The following PTPRC variants were observed in gnomAD, a reference collection of about 807,000 sequenced individuals.
PTPRC encodes protein tyrosine phosphatase receptor type C, also known as receptor-type tyrosine-protein phosphatase C.
A neutral mutation model predicts 155.9 loss-of-function variants in PTPRC; 44 were observed. That is an observed-to-expected ratio of 0.28 (90% CI 0.22 to 0.36). The LOEUF is 0.36. PTPRC is among the 10% of genes least tolerant of loss of function. The pLI, the probability that PTPRC is intolerant of heterozygous loss-of-function variation, is 1.00. For missense variants in PTPRC, 1,401 were observed against 1,564.6 expected (o/e 0.90, Z 1.76); for synonymous variants, 525 against 533.1 (o/e 0.98, Z 0.21).
At chr1:198,695,381 AT>A (rs550902631) in intron 3 of PTPRC, among the ~76,000 whole-genome samples, 128 of 140,888 alleles carry the variant, frequency 9.1e-4, no homozygotes, top group Middle Eastern at 7.6e-3. Context: ...AAATATTTAA[AT>A]TTTTTTTTTT....
chr1:198,672,635 A>ATT (rs545141740), intron 2 of PTPRC, among the ~76,000 whole-genome samples: 3,644 of 141,294 alleles, frequency 0.026, 146 homozygotes, highest in African/African-American at 0.087. Context: ...ATGCCCAGCT[A>ATT]TTTTTTTTTT....
At chr1:198,724,576 A>G (rs954742125) in intron 15 of PTPRC, among the ~76,000 whole-genome samples, 4 of 152,142 alleles carry the variant, frequency 2.6e-5, no homozygotes, top group African/African-American at 7.2e-5. Flanking sequence ...TGTTCAGTGT[A>G]TCGACTTGGT....
At chr1:198,661,413 T>A (rs1240089015) in intron 2 of PTPRC, among the ~76,000 whole-genome samples, 1 of 151,246 alleles carries the variant, frequency 6.6e-6, no homozygotes, top group Admixed American at 6.6e-5. Context: ...AGGAATAGTG[T>A]CACTTTTTTG....
At chr1:198,746,703 G>C (rs1363853480) in intron 26 of PTPRC, among the ~76,000 whole-genome samples, 1 of 151,810 alleles carries the variant, frequency 6.6e-6, no homozygotes, top group African/African-American at 2.4e-5. Context: ...AGAGATTTAA[G>C]AGTGACAGAT....
chr1:198,731,646 C>G lies in PTPRC; in HGVS notation c.1894C>G (p.Pro632Ala), dbSNP rs1174214848. Residue 632 changes from proline (P) to alanine (A), a missense_variant, in exon 18 of 33, where the codon CCA becomes GCA. This residue lies in a region of PTPRC where 867 missense variants were observed against 970.4 expected (regional missense o/e 0.89). Coordinates refer to ENST00000442510, the MANE Select transcript of PTPRC (RefSeq NM_002838.5). ...DDEKQLMNVEPIHADILLETY... is the reference protein window; with the variant it reads ...DDEKQLMNVEAIHADILLETY... ...TGAAAAACAACTGATGAATGTGGAGCCAATCCATGCAGATATTTTGTTGGA... is the reference window on the plus strand; with the variant it reads ...TGAAAAACAACTGATGAATGTGGAGGCAATCCATGCAGATATTTTGTTGGA... 1 of 1,610,666 alleles carries G rather than the reference C, an allele frequency of 6.2e-7. No individual in the cohort carries two copies. The highest frequency in any genetic ancestry group is 8.5e-7 in the Non-Finnish European group (1 of 1,177,454).
chr1:198,702,598 G>A, intron 6 of PTPRC, 68 bp downstream of exon 6: 6 of 1,577,034 alleles, frequency 3.8e-6, no homozygotes, highest in Non-Finnish European at 4.4e-6. Context: ...AAACTTTAAT[G>A]TAGCTCTTTT....
At position 198,734,380 on chromosome 1, in the gene PTPRC, A is replaced by G. The variant is rs1224134412; in HGVS notation, c.2232A>G (p.Lys744=). The change falls in exon 22 of 33, where the codon AAA becomes AAG. Residue 744 remains lysine, a synonymous_variant. Transcript: ENST00000442510. ...DDFWRMIWEQ[K]ATVIVMVTRC... ...TCTGGAGGATGATTTGGGAACAGAA[A>G]GCCACAGTTATTGTCATGGTCACTC... The G allele has an allele frequency of 6.2e-7, 1 of 1,611,158 alleles. No homozygotes were observed. Among genetic ancestry groups the G allele is most frequent in the African/African-American group, 1.3e-5 (1 of 74,736 alleles).
chr1:198,696,649 A>G, intron 3 of PTPRC, 63 bp from the exon 4 acceptor site: 1 of 1,381,150 alleles, frequency 7.2e-7, no homozygotes, highest in Non-Finnish European at 1.0e-6. Context: ...TGGGAGGAGC[A>G]TACATTTAGG....
chr1:198,736,527 T>C (rs984250689), intron 23 of PTPRC, among the ~76,000 whole-genome samples: 1 of 151,758 alleles, frequency 6.6e-6, no homozygotes, highest in African/African-American at 2.4e-5. Flanking sequence ...CTTACCCCTT[T>C]TTATGGCTGA....
intron 7 of PTPRC, 55 bp downstream of exon 7, chr1:198,703,427 C>T (rs1666561588): frequency 1.2e-6 from 2 of 1,606,882 alleles, no homozygotes; most frequent in East Asian, 4.5e-5. Context: ...TGGTGATGTG[C>T]TCTCACAAGG....
At chr1:198,741,488 C>A (rs1249637350) in intron 23 of PTPRC, among the ~76,000 whole-genome samples, 1 of 151,790 alleles carries the variant, frequency 6.6e-6, no homozygotes, top group South Asian at 2.1e-4. Context: ...AAACACAAAT[C>A]CAAAAAGCTT....
At position 198,757,227 on chromosome 1, in the gene PTPRC, G is replaced by A. The variant is rs775043682; in HGVS notation, c.*1046G>A. The A allele has an allele frequency of 1.3e-5, 2 of 151,616 alleles. No homozygotes were observed. The highest frequency in any genetic ancestry group is 3.0e-5 in the Non-Finnish European group (2 of 67,746). 9.4% of individuals were successfully genotyped at this position (151,616 alleles called of 1,614,324 possible). On this transcript the variant is annotated 3_prime_UTR_variant, in exon 33 of 33. Coordinates refer to ENST00000442510, the MANE Select transcript of PTPRC (RefSeq NM_002838.5). Reference sequence around the variant, plus strand: ...TCCAATGCTTAGAATGTTTTTACCAGGAATGGATGTCGCTAATCATAATAA... The same window carrying A: ...TCCAATGCTTAGAATGTTTTTACCAAGAATGGATGTCGCTAATCATAATAA...
chr1:198,754,506 T>G, intron 32 of PTPRC, 102 bp downstream of exon 32: 1 of 1,351,936 alleles, frequency 7.4e-7, no homozygotes, highest in East Asian at 2.3e-5. Context: ...TCGTTTGTTC[T>G]TTTTTCCCCT....
chr1:198,747,322 A>G (rs1284824274), intron 26 of PTPRC, among the ~76,000 whole-genome samples: 1 of 151,622 alleles, frequency 6.6e-6, no homozygotes, highest in Non-Finnish European at 1.5e-5. Context: ...GAATTGAGGA[A>G]GCTGGTTTGG....
chr1:198,744,510 G>T (rs1655052289), intron 26 of PTPRC, among the ~76,000 whole-genome samples: 2 of 151,870 alleles, frequency 1.3e-5, no homozygotes, highest in African/African-American at 4.8e-5. Flanking sequence ...AAACTGGTCT[G>T]CCAAAGGCAA....
intron 2 of PTPRC, among the ~76,000 whole-genome samples, chr1:198,659,971 T>G (rs79218599): frequency 0.11 from 15,633 of 141,408 alleles, 1,297 homozygotes; most frequent in African/African-American, 0.22. Flanking sequence ...GACATATATA[T>G]CTATATAAAT....
Position 198,706,919 on chromosome 1 carries a change from C to A in PTPRC, c.871C>A (p.Pro291Thr). 6.2e-7 allele frequency: 1 copy of A among 1,610,834 alleles called. No homozygotes were observed. The highest frequency in any genetic ancestry group is 8.5e-7 in the Non-Finnish European group (1 of 1,177,190). ...CATATCTCATAATTCATGTACTGCT[C>A]CTGATAAGACATTAATATTAGATGT... is the stretch of plus-strand genomic sequence containing the variant. ...VSISHNSCTA[P>T]DKTLILDVPP... is the part of the protein sequence containing the mutation. The change falls in exon 9 of 33, where the codon CCT (proline) becomes ACT (threonine). Residue 291 changes from proline to threonine, a missense_variant. By Grantham distance (38) the Pro-to-Thr change is conservative (BLOSUM62 -1). This residue lies in a region of PTPRC where 867 missense variants were observed against 970.4 expected (regional missense o/e 0.89). Coordinates refer to ENST00000442510, the MANE Select transcript of PTPRC (RefSeq NM_002838.5).
rs1310240195 is a variant in PTPRC, at chr1:198,713,068, G to A, written c.1287G>A (p.Glu429=). ...FHNFTLCYIK[E]TEKDCLNLDK... ...ATTTTACCCTCTGTTATATAAAAGA[G>A]ACAGGTAATTTGTGTAGAATTTAAT... The change falls in exon 12 of 33, where the codon GAG becomes GAA. Residue 429 remains glutamate, a synonymous_variant. Coordinates refer to ENST00000442510, the MANE Select transcript of PTPRC (RefSeq NM_002838.5). The A allele has an allele frequency of 1.2e-6, 2 of 1,613,484 alleles. No homozygotes were observed. The highest frequency in any genetic ancestry group is 1.3e-5 in the African/African-American group (1 of 74,892).
chr1:198,711,962 G>T (rs914703920), intron 11 of PTPRC, among the ~76,000 whole-genome samples: 1 of 152,074 alleles, frequency 6.6e-6, no homozygotes, highest in Admixed American at 6.6e-5. Flanking sequence ...TTAAGAATAC[G>T]GATACTACTA....
Sources: allele counts gnomAD v4.1 joint callset (sites outside exome capture counted in the v4.1 genomes callset), GRCh38; gene constraint gnomAD v4.1.1; regional missense constraint gnomAD v4.1.1; transcripts MANE v1.5; gene names NCBI Gene and HGNC (gene_info 2026-07-23, HGNC 2026-07-21).